Variants in NCOA2 observed in about 807,000 individuals in gnomAD.
The protein encoded by NCOA2 is nuclear receptor coactivator 2.
Under a neutral mutation model 145.1 loss-of-function variants are expected in NCOA2, and 21 were observed. The observed-to-expected ratio is 0.14, with a 90% CI of 0.10 to 0.21. The LOEUF (loss-of-function observed/expected upper bound fraction) is 0.21. Among genes scored for constraint, NCOA2 ranks in the 10% least tolerant of loss-of-function variants. NCOA2 has a pLI of 1.00. For missense variants in NCOA2, 1,472 were observed against 1,837.6 expected (o/e 0.80, Z 3.64); for synonymous variants, 619 against 637.5 (o/e 0.97, Z 0.44).
intron 15 of NCOA2, 85 bp downstream of exon 15, chr8:70,138,118 G>T: frequency 7.0e-7 from 1 of 1,419,950 alleles, no homozygotes. Flanking sequence ...AATGAAAACT[G>T]GTCAGGCACC....
intron 2 of NCOA2, among the ~76,000 whole-genome samples, chr8:70,282,181 T>C (rs1388679676): frequency 1.3e-5 from 2 of 152,204 alleles, no homozygotes; most frequent in Non-Finnish European, 2.9e-5. Flanking sequence ...AAAATGCTAT[T>C]TATTTGAGCA....
chr8:70,363,337 C>T (rs1258639627), intron 1 of NCOA2, among the ~76,000 whole-genome samples: 1 of 150,906 alleles, frequency 6.6e-6, no homozygotes, highest in East Asian at 1.9e-4. Flanking sequence ...AAGCAGAGAT[C>T]ACGCCACTGC....
rs533799824 is a variant in NCOA2, at chr8:70,156,228, T to G, written c.2137A>C (p.Lys713Gln). The change falls in exon 11 of 23, where the codon AAA (lysine) becomes CAA (glutamine). Residue 713 changes from lysine to glutamine, a missense_variant. By Grantham distance (53) the Lys-to-Gln change is moderately conservative (BLOSUM62 1). Transcript: ENST00000452400. ...LAKLTAEATG[K>Q]DLSQESSSTA... The stretch of plus-strand genomic sequence containing the variant: ...CTGCTGGACTCCTGGCTCAGGTCTT[T>G]GCCTGTGGCTTCTGCTGTTAACTTG... The G allele has an allele frequency of 6.2e-7, 1 of 1,614,006 alleles. No individual in the cohort carries two copies. The highest frequency in any genetic ancestry group is 1.7e-5 in the Admixed American group (1 of 60,026).
intron 1 of NCOA2, among the ~76,000 whole-genome samples, chr8:70,365,259 G>A (rs756057059): frequency 2.0e-4 from 31 of 152,114 alleles, no homozygotes; most frequent in Non-Finnish European, 3.2e-4. Flanking sequence ...TTGAGCCTGC[G>A]AGGTCGAGGC....
intron 12 of NCOA2, 100 bp downstream of exon 12, chr8:70,148,173 T>C: frequency 8.2e-7 from 1 of 1,221,318 alleles, no homozygotes; most frequent in South Asian, 1.2e-5. Flanking sequence ...ACAAAAACCT[T>C]AAAGTGACTA....
chr8:70,334,011 A>C (rs926290725), intron 1 of NCOA2, among the ~76,000 whole-genome samples: 4 of 151,952 alleles, frequency 2.6e-5, no homozygotes, highest in African/African-American at 7.3e-5. Context: ...TTCACTCTTC[A>C]ATAGCCTTTG....
At chr8:70,265,196 A>G (rs1824465417) in intron 2 of NCOA2, among the ~76,000 whole-genome samples, 1 of 152,132 alleles carries the variant, frequency 6.6e-6, no homozygotes, top group African/African-American at 2.4e-5. Flanking sequence ...GATCCTTATG[A>G]TGGAATTAGT....
intron 1 of NCOA2, among the ~76,000 whole-genome samples, chr8:70,304,346 A>G (rs1392024712): frequency 6.6e-6 from 1 of 152,240 alleles, no homozygotes; most frequent in Non-Finnish European, 1.5e-5. Flanking sequence ...GTAGCCTAGA[A>G]ACAATGGGTT....
At chr8:70,277,632 A>C (rs888243993) in intron 2 of NCOA2, among the ~76,000 whole-genome samples, 1 of 152,154 alleles carries the variant, frequency 6.6e-6, no homozygotes, top group Non-Finnish European at 1.5e-5. Flanking sequence ...TTCTAAACTA[A>C]ATGTTCCCAC....
In NCOA2 at chr8:70,156,187, T is replaced by G; in HGVS notation, c.2178A>C (p.Ser726=). Residue 726 remains serine, a synonymous_variant, in exon 11 of 23, where the codon TCA becomes TCC. Coordinates refer to ENST00000452400, the MANE Select transcript of NCOA2 (RefSeq NM_006540.4). ...SQESSSTAPG[S]EVTIKQEPVS... ...CCGGCTCTTGTTTAATAGTCACTTC[T>G]GATCCAGGAGCTGTGCTGCTGGACT... 6.2e-7 allele frequency: 1 copy of G among 1,614,038 alleles called. No homozygotes were observed. Among genetic ancestry groups the G allele is most frequent in the South Asian group, 1.1e-5 (1 of 91,080 alleles).
At chr8:70,236,167 C>G (rs1449836939) in intron 2 of NCOA2, among the ~76,000 whole-genome samples, 1 of 152,186 alleles carries the variant, frequency 6.6e-6, no homozygotes, top group African/African-American at 2.4e-5. Flanking sequence ...CCAATATCCT[C>G]AAGTCTCTCC....
At chr8:70,149,114 C>T (rs1811452633) in intron 11 of NCOA2, among the ~76,000 whole-genome samples, 1 of 151,622 alleles carries the variant, frequency 6.6e-6, no homozygotes, top group Non-Finnish European at 1.5e-5. Flanking sequence ...TTTTGAATGA[C>T]AATGGCTTTC....
rs770795171 is a variant in NCOA2 at position 70,124,825 on chromosome 8, C to A, written c.3957G>T (p.Thr1319=). 6.2e-7 allele frequency: 1 copy of A among 1,609,012 alleles called. No homozygotes were observed. The highest frequency in any genetic ancestry group is 2.2e-5 in the East Asian group (1 of 44,728). Residue 1319 remains threonine (T), a synonymous_variant, in exon 20 of 23, where the codon ACG becomes ACT. Transcript: ENST00000452400. ...QQPDPGFTGA[T]TPQSPLMSPR... ...GTGACATAAGTGGGCTCTGGGGAGT[C>A]GTAGCCCCAGTAAAGCCTGGATCAG...
chr8:70,205,830 G>A (rs1818379568), intron 4 of NCOA2, among the ~76,000 whole-genome samples: 1 of 152,202 alleles, frequency 6.6e-6, no homozygotes, highest in South Asian at 2.1e-4. Context: ...TAGTCACGAA[G>A]TCGGGGCAAA....
At chr8:70,121,089 T>C (rs1158188900) in intron 22 of NCOA2, among the ~76,000 whole-genome samples, 1 of 152,198 alleles carries the variant, frequency 6.6e-6, no homozygotes, top group Non-Finnish European at 1.5e-5. Context: ...AAAAATTTAG[T>C]GTTCTTAATT....
At chr8:70,307,793 C>G (rs1828008249) in intron 1 of NCOA2, among the ~76,000 whole-genome samples, 1 of 152,204 alleles carries the variant, frequency 6.6e-6, no homozygotes, top group Non-Finnish European at 1.5e-5. Context: ...AATTTTGTTA[C>G]AGCCAAATAC....
At chr8:70,267,636 T>C (rs974647624) in intron 2 of NCOA2, among the ~76,000 whole-genome samples, 3 of 152,116 alleles carry the variant, frequency 2.0e-5, no homozygotes, top group Non-Finnish European at 4.4e-5. Context: ...GGAAGATCCA[T>C]TTCCTTTCTG....
chr8:70,280,028 G>A (rs995979096), intron 2 of NCOA2, among the ~76,000 whole-genome samples: 4 of 152,150 alleles, frequency 2.6e-5, no homozygotes, highest in African/African-American at 9.7e-5. Flanking sequence ...AGGAGTCCAT[G>A]ACTACACACA....
At chr8:70,376,603 A>ATT (rs1811691864) in intron 1 of NCOA2, among the ~76,000 whole-genome samples, 1 of 152,232 alleles carries the variant, frequency 6.6e-6, no homozygotes, top group Non-Finnish European at 1.5e-5. Context: ...ACATCTTAGA[A>ATT]TTCTGTTAGA....
Sources: allele counts gnomAD v4.1 joint callset (sites outside exome capture counted in the v4.1 genomes callset), GRCh38; gene constraint gnomAD v4.1.1; transcripts MANE v1.5; gene names NCBI Gene and HGNC (gene_info 2026-07-23, HGNC 2026-07-21).